PARP9: variants seen among roughly 807,000 people sequenced by gnomAD.
The protein encoded by PARP9 is poly(ADP-ribose) polymerase family member 9, also known as protein mono-ADP-ribosyltransferase PARP9.
Under a neutral mutation model 68.8 loss-of-function variants are expected in PARP9, and 48 were observed. That is an observed-to-expected ratio of 0.70 (90% CI 0.55 to 0.89). The LOEUF (loss-of-function observed/expected upper bound fraction) is 0.89. Among genes scored for constraint, PARP9 ranks in the 40% least tolerant of loss-of-function variants. The probability of loss-of-function intolerance (pLI) is 0.00; values close to 1 mark genes in which losing one functional copy is unlikely to be tolerated. For synonymous variants in PARP9, 309 were observed against 333.8 expected (o/e 0.93, Z 0.81); for missense variants, 806 against 969.3 (o/e 0.83, Z 2.24).
chr3:122,563,810 C>T (rs1035673424), intron 1 of PARP9, among the ~76,000 whole-genome samples: 3 of 152,012 alleles, frequency 2.0e-5, no homozygotes, highest in Admixed American at 6.6e-5. Flanking sequence ...TTCACAGGTC[C>T]GCCTCCCCTC....
At chr3:122,530,176 CAAAAAAAAA>C (rs11295677) in intron 10 of PARP9, among the ~76,000 whole-genome samples, 3 of 82,304 alleles carry the variant, frequency 3.6e-5, no homozygotes, top group Non-Finnish European at 7.0e-5. Context: ...GGCCCTGTCT[CAAAAAAAAA>C]AAAAAAAAAA....
chr3:122,551,679 C>T (rs532166738), intron 5 of PARP9, among the ~76,000 whole-genome samples: 2 of 152,144 alleles, frequency 1.3e-5, no homozygotes, highest in South Asian at 4.2e-4. Context: ...TGGGAAGAGA[C>T]CTCAGGTAAT....
intron 3 of PARP9, among the ~76,000 whole-genome samples, chr3:122,558,169 C>T (rs1056594327): frequency 1.2e-4 from 19 of 152,218 alleles, no homozygotes; most frequent in African/African-American, 4.3e-4. Flanking sequence ...TTGGCCACCC[C>T]ATCTGGTCAA....
intron 10 of PARP9, chr3:122,534,920 G>A (rs184967549): frequency 1.0e-6 from 1 of 976,982 alleles, no homozygotes; most frequent in Non-Finnish European, 1.2e-6. Context: ...CTGAACTTGA[G>A]CTGATGATGA....
intron 6 of PARP9, among the ~76,000 whole-genome samples, chr3:122,546,610 A>C (rs2078718512): frequency 2.6e-5 from 4 of 152,194 alleles, no homozygotes; most frequent in African/African-American, 9.6e-5. Flanking sequence ...GTCTGCACAC[A>C]TACCTCCATG....
chr3:122,552,054 T>C (rs1022302644), intron 5 of PARP9, among the ~76,000 whole-genome samples: 2 of 152,004 alleles, frequency 1.3e-5, no homozygotes, highest in Middle Eastern at 3.4e-3. Flanking sequence ...TAGCTGGGAC[T>C]ACAGGTGTGC....
At chr3:122,550,503 A>T in intron 6 of PARP9, 81 bp downstream of exon 6, 1 of 1,173,472 alleles carries the variant, frequency 8.5e-7, no homozygotes, top group Non-Finnish European at 1.2e-6. Context: ...CCTGCATCTT[A>T]CATTGTAGAT....
At chr3:122,547,507 G>T (rs1056069475) in intron 6 of PARP9, among the ~76,000 whole-genome samples, 1 of 152,120 alleles carries the variant, frequency 6.6e-6, no homozygotes, top group Admixed American at 6.6e-5. Flanking sequence ...TGGAGAGAAT[G>T]AACCTTCTTT....
rs1006139086 is a variant in PARP9 at position 122,555,697 on chromosome 3, G to A, written c.474C>T (p.Ile158=). 6.2e-7 allele frequency: 1 copy of A among 1,614,034 alleles called. No individual in the cohort carries two copies. Among genetic ancestry groups the A allele is most frequent in the African/African-American group, 1.3e-5 (1 of 75,008 alleles). ...TGAGRLPCKQ[I]IHAVGPRWME... ...TCCACCGAGGCCCAACAGCATGGAT[G>A]ATCTGTTTGCAGGGAAGCCTCCCTG... is the stretch of plus-strand genomic sequence containing the variant. The change falls in exon 4 of 11, where the codon ATC becomes ATT. Residue 158 remains isoleucine, a synonymous_variant. Transcript: ENST00000682323.
At chr3:122,558,212 C>T (rs1289586947) in intron 3 of PARP9, 5 of 1,298,150 alleles carry the variant, frequency 3.9e-6, no homozygotes, top group African/African-American at 1.5e-5. Context: ...AAGAGTCTCA[C>T]ATTTACGGGC....
intron 1 of PARP9, among the ~76,000 whole-genome samples, chr3:122,562,791 T>C (rs1214290844): frequency 6.6e-6 from 1 of 152,216 alleles, no homozygotes; most frequent in African/African-American, 2.4e-5. Flanking sequence ...CTACTGCCCA[T>C]TGTATTCCAT....
In PARP9 at chr3:122,555,390, G is replaced by C. The variant is rs764958128; in HGVS notation, c.781C>G (p.Leu261Val). ...TCTTGTCCCAGCTCACTCTTCCCTAGGATGAATTCTGAAGCAGCTTTAAAG... is the reference window on the plus strand; with the variant it reads ...TCTTGTCCCAGCTCACTCTTCCCTACGATGAATTCTGAAGCAGCTTTAAAG... Reference protein sequence around the residue: ...AAFKAASEFILGKSELGQETT... With the variant: ...AAFKAASEFIVGKSELGQETT... Residue 261 changes from leucine (L) to valine (V), a missense_variant, in exon 4 of 11, where the codon CTA becomes GTA. Physicochemically the swap from Leu to Val is conservative, Grantham distance 32 (BLOSUM62 1). Coordinates refer to ENST00000682323, the MANE Select transcript of PARP9 (RefSeq NM_001146105.2). 4.3e-6 allele frequency: 7 copies of C among 1,614,058 alleles called. No homozygotes were observed. The Admixed American group carries it at 8.3e-5, about 19-fold the overall frequency.
intron 7 of PARP9, among the ~76,000 whole-genome samples, chr3:122,541,812 C>G (rs1433815430): frequency 3.3e-5 from 5 of 152,208 alleles, no homozygotes; most frequent in African/African-American, 1.2e-4. Context: ...GGCCATGAAG[C>G]TAGTAGGTAT....
rs1466827854 is a variant in PARP9, at chr3:122,550,575, T to G, written c.1326+9A>C. 1 of 1,582,298 alleles carries G rather than the reference T, an allele frequency of 6.3e-7. No homozygotes were observed. The highest frequency in any genetic ancestry group is 8.7e-7 in the Non-Finnish European group (1 of 1,153,722). On this transcript the variant is annotated intron_variant, in intron 6 of 10. Transcript: ENST00000682323. The stretch of plus-strand genomic sequence containing the variant: ...TGAACAGTAGGACATTTCTAAGATA[T>G]TAACTTACCTTATATATCTCCAAAT...
At chr3:122,560,089 G>A (rs1576446030) in intron 1 of PARP9, among the ~76,000 whole-genome samples, 1 of 152,192 alleles carries the variant, frequency 6.6e-6, no homozygotes, top group Non-Finnish European at 1.5e-5. Flanking sequence ...AAAGAAGACC[G>A]AGCTTATGAG....
chr3:122,532,033 A>C, intron 10 of PARP9: 1 of 521,374 alleles, frequency 1.9e-6, no homozygotes, highest in South Asian at 8.2e-5. Flanking sequence ...GAATAAGAAC[A>C]ATTGGAGGGA....
At chr3:122,563,473 T>A (rs953200293) in intron 1 of PARP9, among the ~76,000 whole-genome samples, 2 of 152,224 alleles carry the variant, frequency 1.3e-5, no homozygotes, top group African/African-American at 4.8e-5. Flanking sequence ...CCTTTAAAAA[T>A]TTCCTAAAAA....
intron 10 of PARP9, among the ~76,000 whole-genome samples, chr3:122,530,881 A>T (rs1361418311): frequency 2.0e-5 from 3 of 152,160 alleles, no homozygotes; most frequent in Non-Finnish European, 4.4e-5. Context: ...TGGGCAACAC[A>T]GTGAGACCCA....
At chr3:122,533,543 T>C (rs1426367272) in intron 10 of PARP9, 2 of 386,984 alleles carry the variant, frequency 5.2e-6, no homozygotes, top group Non-Finnish European at 7.1e-6. Context: ...AGAGAGAAGA[T>C]AAAGAATGGG....
Sources: gnomAD v4.1 joint callset for allele counts (sites outside exome capture counted in the v4.1 genomes callset) on GRCh38, gnomAD v4.1.1 for gene constraint, MANE v1.5 for transcripts, NCBI Gene and HGNC (gene_info 2026-07-23, HGNC 2026-07-21) for gene names.